Variants in PNPLA4 observed in about 807,000 individuals in gnomAD.
PNPLA4 encodes the protein patatin-like phospholipase domain-containing protein 4.
PNPLA4 carries 15 observed loss-of-function variants against 18.3 expected under a neutral mutation model. The ratio of observed to expected loss-of-function variants is 0.82; its 90% confidence interval spans 0.55 to 1.26. The LOEUF is 1.26. Among genes scored for constraint, PNPLA4 ranks in the 50% most tolerant of loss-of-function variants. PNPLA4 has a pLI of 0.00. For synonymous variants in PNPLA4, 88 were observed against 85.6 expected (o/e 1.03, Z -0.16); for missense variants, 229 against 196.8 (o/e 1.16, Z -0.98).
At chrX:7,918,834 C>G (rs1406867910) in intron 4 of PNPLA4, among the ~76,000 whole-genome samples, 1 of 111,897 alleles carries the variant, frequency 8.9e-6, no homozygotes, top group Non-Finnish European at 1.9e-5. Context: ...TTTACTTCCT[C>G]TTCACACTTC....
At chrX:7,905,047 T>C (rs1923664003) in intron 5 of PNPLA4, among the ~76,000 whole-genome samples, 1 of 112,546 alleles carries the variant, frequency 8.9e-6, no homozygotes, top group Non-Finnish European at 1.9e-5. Flanking sequence ...TCTTTGGCCA[T>C]ATTCTAAATG....
chrX:7,922,348 C>G lies in PNPLA4; in HGVS notation c.181-250G>C, dbSNP rs1014630188. 1.8e-5 allele frequency among the ~76,000 whole-genome samples: 2 copies of G among 112,357 alleles called. 1 individual carries two copies. The highest frequency in any genetic ancestry group is 5.6e-4 in the East Asian group (2 of 3,594). Reference sequence around the variant, plus strand: ...GCACCTTAAATGGCCTTTGCCCCATCTGAAAAATCCTTGAAGGCTCAATCT... The same window carrying G: ...GCACCTTAAATGGCCTTTGCCCCATGTGAAAAATCCTTGAAGGCTCAATCT... On this transcript the variant is annotated intron_variant, in intron 2 of 6. Transcript: ENST00000381042.
intron 4 of PNPLA4, among the ~76,000 whole-genome samples, chrX:7,913,314 G>A (rs1270748254): frequency 9.0e-6 from 1 of 111,625 alleles, no homozygotes; most frequent in African/African-American, 3.3e-5. Flanking sequence ...ACATCTGTTG[G>A]GTATCTCTCT....
At chrX:7,916,773 T>C (rs765273872) in intron 4 of PNPLA4, among the ~76,000 whole-genome samples, 1 of 111,666 alleles carries the variant, frequency 9.0e-6, no homozygotes, top group Admixed American at 9.5e-5. Context: ...TAAAGGGTCA[T>C]CCTTGGGGGT....
At chrX:7,922,647 A>C (rs1311332061) in intron 2 of PNPLA4, among the ~76,000 whole-genome samples, 1 of 112,195 alleles carries the variant, frequency 8.9e-6, no homozygotes, top group Non-Finnish European at 1.9e-5. Context: ...CAGAGGTGAC[A>C]CTGTCAGTTC....
chrX:7,914,103 T>C (rs1237986884), intron 4 of PNPLA4, among the ~76,000 whole-genome samples: 2 of 112,404 alleles, frequency 1.8e-5, no homozygotes, highest in Non-Finnish European at 3.8e-5. Flanking sequence ...TATGTGCTTG[T>C]TTATTTATTT....
chrX:7,919,310 G>A (rs190563264), intron 4 of PNPLA4, among the ~76,000 whole-genome samples: 71 of 112,808 alleles, frequency 6.3e-4, no homozygotes, highest in African/African-American at 2.2e-3. Flanking sequence ...GGTCCCACTG[G>A]GGAAAATCCA....
intron 4 of PNPLA4, among the ~76,000 whole-genome samples, chrX:7,919,233 C>T (rs1424983024): frequency 1.8e-5 from 2 of 112,681 alleles, no homozygotes; most frequent in South Asian, 7.3e-4. Context: ...CAAATTACTA[C>T]AAATTTAACC....
At chrX:7,910,836 ATCTAC>A (rs1923851159) in intron 5 of PNPLA4, among the ~76,000 whole-genome samples, 1 of 109,684 alleles carries the variant, frequency 9.1e-6, no homozygotes, top group African/African-American at 3.3e-5. Context: ...ATAAATAGAT[ATCTAC>A]TCTATTTAGA....
intron 5 of PNPLA4, among the ~76,000 whole-genome samples, chrX:7,904,961 C>T (rs1052175031): frequency 8.9e-6 from 1 of 112,111 alleles, no homozygotes; most frequent in Non-Finnish European, 1.9e-5. Context: ...AAAATAGTTT[C>T]AAAATCATAC....
At chrX:7,915,131 T>A (rs1452806545) in intron 4 of PNPLA4, among the ~76,000 whole-genome samples, 2 of 111,549 alleles carry the variant, frequency 1.8e-5, no homozygotes, top group African/African-American at 6.5e-5. Context: ...TAAGGTCATG[T>A]AATAAAATAT....
intron 2 of PNPLA4, 85 bp downstream of exon 2, chrX:7,925,855 T>C (rs1165281696): frequency 7.6e-6 from 6 of 784,598 alleles, no homozygotes; most frequent in Non-Finnish European, 1.1e-5. Context: ...CTCTGCAGTG[T>C]TAACTTAGTA....
intron 4 of PNPLA4, 106 bp downstream of exon 4, chrX:7,921,607 G>T: frequency 1.4e-6 from 1 of 717,769 alleles, no homozygotes; most frequent in Middle Eastern, 4.8e-4. Context: ...ATCGGGCCTG[G>T]TAAGAGACAC....
intron 4 of PNPLA4, among the ~76,000 whole-genome samples, chrX:7,913,349 C>A (rs1211708320): frequency 8.9e-6 from 1 of 111,796 alleles, no homozygotes; most frequent in Non-Finnish European, 1.9e-5. Flanking sequence ...GGGAATGGAC[C>A]CAACACTCCT....
At chrX:7,908,946 G>A (rs1923791372) in intron 5 of PNPLA4, among the ~76,000 whole-genome samples, 1 of 111,808 alleles carries the variant, frequency 8.9e-6, no homozygotes, top group Admixed American at 9.5e-5. Flanking sequence ...ATCATGGAAA[G>A]TTCACTAGAA....
chrX:7,909,005 C>T (rs775960207), intron 5 of PNPLA4, among the ~76,000 whole-genome samples: 5 of 112,011 alleles, frequency 4.5e-5, no homozygotes, highest in Non-Finnish European at 7.5e-5. Flanking sequence ...CTTCCTGTCA[C>T]ACACCCACAA....
chrX:7,919,369 G>C (rs1304796052), intron 4 of PNPLA4, among the ~76,000 whole-genome samples: 1 of 112,313 alleles, frequency 8.9e-6, no homozygotes, highest in Non-Finnish European at 1.9e-5. Context: ...GGGAGAATGT[G>C]TCTCCTTGCT....
At chrX:7,921,473 T>C (rs1171072159) in intron 4 of PNPLA4, among the ~76,000 whole-genome samples, 3 of 111,794 alleles carry the variant, frequency 2.7e-5, no homozygotes, top group African/African-American at 9.8e-5. Flanking sequence ...GATCTGAACA[T>C]TGCAGGAAAA....
chrX:7,915,607 T>C (rs1333040780), intron 4 of PNPLA4, among the ~76,000 whole-genome samples: 6 of 112,209 alleles, frequency 5.3e-5, no homozygotes, highest in Non-Finnish European at 1.1e-4. Context: ...CTGTAGCAAC[T>C]GTATAAAACA....
Sources: allele counts gnomAD v4.1 joint callset (sites outside exome capture counted in the v4.1 genomes callset), GRCh38; gene constraint gnomAD v4.1.1; transcripts MANE v1.5; gene names NCBI Gene and HGNC (gene_info 2026-07-23, HGNC 2026-07-21).